Variants in ARMH4 observed in about 807,000 individuals in gnomAD.
ARMH4 encodes armadillo like helical domain containing 4, also known as armadillo-like helical domain-containing protein 4.
ARMH4 carries 49 observed loss-of-function variants against 61.9 expected under a neutral mutation model. That is an observed-to-expected ratio of 0.79 (90% CI 0.63 to 1.00). ARMH4 has a LOEUF of 1.00. Ranked by LOEUF, ARMH4 falls within the 50% of genes least tolerant of loss-of-function variation. The pLI, the probability that ARMH4 is intolerant of heterozygous loss-of-function variation, is 0.00. For missense variants in ARMH4, 934 were observed against 930.0 expected (o/e 1.00, Z -0.06); for synonymous variants, 368 against 341.5 (o/e 1.08, Z -0.85).
chr14:58,130,725 G>C (rs1383927433), intron 4 of ARMH4, among the ~76,000 whole-genome samples: 1 of 152,182 alleles, frequency 6.6e-6, no homozygotes, highest in Non-Finnish European at 1.5e-5. Context: ...TAAAGAGACT[G>C]CCTATCTCCA....
intron 5 of ARMH4, among the ~76,000 whole-genome samples, chr14:58,018,746 T>A (rs771801075): frequency 2.0e-5 from 3 of 152,182 alleles, no homozygotes; most frequent in Non-Finnish European, 2.9e-5. Flanking sequence ...AGAACTATCA[T>A]GTGACCCTGC....
At chr14:58,110,103 T>C (rs1014287628) in intron 4 of ARMH4, among the ~76,000 whole-genome samples, 1 of 152,160 alleles carries the variant, frequency 6.6e-6, no homozygotes, top group African/African-American at 2.4e-5. Context: ...CAATTCAAGA[T>C]GAGATTTGGG....
At chr14:58,047,789 G>A (rs941407168) in intron 5 of ARMH4, among the ~76,000 whole-genome samples, 2 of 152,154 alleles carry the variant, frequency 1.3e-5, no homozygotes, top group African/African-American at 2.4e-5. Context: ...GGTAAAGGAT[G>A]GGAGGTTGCA....
At chr14:58,143,765 CTTTTTTT>C (rs201034964) in intron 1 of ARMH4, among the ~76,000 whole-genome samples, 13 of 120,082 alleles carry the variant, frequency 1.1e-4, no homozygotes, top group South Asian at 2.6e-4. Flanking sequence ...TGCCCATCCT[CTTTTTTT>C]TTTTTTTTTT....
chr14:58,044,163 C>A (rs1399485239), intron 5 of ARMH4, among the ~76,000 whole-genome samples: 1 of 152,138 alleles, frequency 6.6e-6, no homozygotes, highest in Non-Finnish European at 1.5e-5. Flanking sequence ...CCAAATCAAT[C>A]CTAAGCCAAA....
chr14:58,057,553 GGTGTGTGTGTGTGTGTCTGTGT>G (rs1566561041), intron 5 of ARMH4, among the ~76,000 whole-genome samples: 1 of 140,808 alleles, frequency 7.1e-6, no homozygotes, highest in Non-Finnish European at 1.5e-5. Flanking sequence ...TCTTCCAAAG[GGTGTGTGTGTGTGTGTCTGTGT>G]GTGTGTGTGT....
At chr14:58,085,667 A>T (rs1250734333) in intron 5 of ARMH4, among the ~76,000 whole-genome samples, 1 of 152,202 alleles carries the variant, frequency 6.6e-6, no homozygotes, top group Non-Finnish European at 1.5e-5. Context: ...TTATGAAAAT[A>T]CAGAGAAGAG....
intron 1 of ARMH4, among the ~76,000 whole-genome samples, chr14:58,142,238 A>G (rs1444210857): frequency 6.6e-6 from 1 of 152,164 alleles, no homozygotes; most frequent in East Asian, 1.9e-4. Flanking sequence ...TCATTCAATG[A>G]TCTAAGTTAA....
At chr14:58,081,689 A>C (rs1885230912) in intron 5 of ARMH4, among the ~76,000 whole-genome samples, 1 of 151,342 alleles carries the variant, frequency 6.6e-6, no homozygotes, top group Admixed American at 6.6e-5. Context: ...TTTTTAGTGA[A>C]GATGGGGTTT....
intron 6 of ARMH4, among the ~76,000 whole-genome samples, chr14:58,007,525 G>T (rs1882224863): frequency 6.6e-6 from 1 of 151,632 alleles, no homozygotes; most frequent in Middle Eastern, 3.2e-3. Context: ...TTCTTTTTTG[G>T]TGGCATCTGC....
At chr14:58,150,117 G>A (rs190523117) in intron 1 of ARMH4, among the ~76,000 whole-genome samples, 28 of 152,208 alleles carry the variant, frequency 1.8e-4, no homozygotes, top group African/African-American at 6.7e-4. Flanking sequence ...TGACCCAATT[G>A]GACATATCAT....
intron 4 of ARMH4, among the ~76,000 whole-genome samples, chr14:58,119,899 C>G (rs1485543462): frequency 6.6e-6 from 1 of 152,052 alleles, no homozygotes; most frequent in East Asian, 1.9e-4. Context: ...ATTCACCACT[C>G]TTTAGAATTT....
Position 58,112,624 on chromosome 14 carries a change from T to C in ARMH4, c.1832-15643A>G, listed in dbSNP as rs565229550. On this transcript the variant is annotated intron_variant, in intron 4 of 7. Transcript: ENST00000267485. ...AATTTATTTGTTCACTATTTCTTCT[T>C]GCATCTCAGTCCCTCCTTCTAGAAT... 1.2e-4 allele frequency among the ~76,000 whole-genome samples: 19 copies of C among 152,348 alleles called. No individual in the cohort carries two copies. In the South Asian group the frequency reaches 2.1e-3, roughly 17 times the overall value.
At chr14:58,027,855 A>G (rs765386507) in intron 5 of ARMH4, among the ~76,000 whole-genome samples, 9 of 152,208 alleles carry the variant, frequency 5.9e-5, no homozygotes, top group Non-Finnish European at 1.2e-4. Context: ...AGCTTCTTAT[A>G]CATCAAAAGC....
rs756532934 is a variant in ARMH4 at position 58,138,879 on chromosome 14, CT to C, written c.479del (p.Lys160ArgfsTer14). 8 of 1,614,038 alleles carry C rather than the reference CT, an allele frequency of 5.0e-6. No individual in the cohort carries two copies. Among genetic ancestry groups the C allele is most frequent in the Non-Finnish European group, 6.8e-6 (8 of 1,180,030 alleles). ...TATPSLTVDE[K>X]EELLTSTNFQ... is the part of the protein sequence containing the mutation. ...AGTTAGTGCTTGTAAGGAGTTCCTCCTTTTCATCAACAGTCAGAGAAGGAGT... is the reference window on the plus strand; with the variant it reads ...AGTTAGTGCTTGTAAGGAGTTCCTCCTTTCATCAACAGTCAGAGAAGGAGT... On this transcript the variant is annotated frameshift_variant, in exon 2 of 8. Transcript: ENST00000267485. LOFTEE classifies it high-confidence loss of function.
chr14:58,139,186 C>T lies in ARMH4; in HGVS notation c.173G>A (p.Ser58Asn), dbSNP rs753983009. The T allele has an allele frequency of 1.2e-6, 2 of 1,614,236 alleles. No individual in the cohort carries two copies. Among genetic ancestry groups the T allele is most frequent in the Admixed American group, 1.7e-5 (1 of 60,032 alleles). Residue 58 changes from serine to asparagine, a missense_variant, in exon 2 of 8, where the codon AGC (serine) becomes AAC (asparagine). Physicochemically the swap from Ser to Asn is conservative, Grantham distance 46. Transcript: ENST00000267485. Reference protein sequence around the residue: ...DKMNTDDLENSSVTSKQTPQL... With the variant: ...DKMNTDDLENNSVTSKQTPQL... ...GGGAGTCTGCTTTGAGGTAACAGAG[C>T]TATTTTCTAGGTCATCGGTGTTCAT...
intron 5 of ARMH4, among the ~76,000 whole-genome samples, chr14:58,052,305 T>C (rs866716245): frequency 6.6e-5 from 10 of 152,190 alleles, no homozygotes; most frequent in Admixed American, 6.5e-4. Context: ...CCCCAGTAGC[T>C]GGGTGCCAGC....
chr14:58,053,709 G>C (rs977788090), intron 5 of ARMH4, among the ~76,000 whole-genome samples: 2 of 152,112 alleles, frequency 1.3e-5, no homozygotes, highest in Non-Finnish European at 2.9e-5. Context: ...CAGTTACCAC[G>C]AGGGCAGTCC....
At chr14:58,062,194 A>T (rs2141215318) in intron 5 of ARMH4, among the ~76,000 whole-genome samples, 1 of 152,258 alleles carries the variant, frequency 6.6e-6, no homozygotes, top group East Asian at 1.9e-4. Flanking sequence ...AATAAAAATT[A>T]GCCAGATGTG....
Sources: gnomAD v4.1 joint callset for allele counts (sites outside exome capture counted in the v4.1 genomes callset) on GRCh38, gnomAD v4.1.1 for gene constraint, MANE v1.5 for transcripts, NCBI Gene and HGNC (gene_info 2026-07-23, HGNC 2026-07-21) for gene names.